COL5A2: variants seen among roughly 807,000 people sequenced by gnomAD.
COL5A2 encodes the protein collagen alpha-2(V) chain.
COL5A2 carries 23 observed loss-of-function variants against 208.2 expected under a neutral mutation model. The ratio of observed to expected loss-of-function variants is 0.11; its 90% CI spans 0.08 to 0.16. The LOEUF is 0.16. Among genes scored for constraint, COL5A2 ranks in the 10% least tolerant of loss-of-function variants. The probability of loss-of-function intolerance (pLI) is 1.00; values close to 1 mark genes in which losing one functional copy is unlikely to be tolerated. For missense variants in COL5A2, 1,590 were observed against 1,956.4 expected, an observed-to-expected ratio of 0.81 and a Z score of 3.53; for synonymous variants, 625 against 628.5, an observed-to-expected ratio of 0.99 and a Z score of 0.08.
chr2:189,068,696 T>A, intron 19 of COL5A2, 90 bp downstream of exon 19: 1 of 880,142 alleles, frequency 1.1e-6, no homozygotes, highest in South Asian at 1.4e-5. Flanking sequence ...AAATATTATG[T>A]ATCAATTAAA....
chr2:189,422,364 G>A, the COL5A2 span, among the ~76,000 whole-genome samples: 2 of 151,860 alleles, frequency 1.3e-5, no homozygotes, highest in Non-Finnish European at 2.9e-5. Flanking sequence ...CAGAAATTTT[G>A]GAACTAAAAA....
chr2:189,227,171 A>G (rs1289332415), upstream of COL5A2, among the ~76,000 whole-genome samples: 2 of 152,250 alleles, frequency 1.3e-5, no homozygotes, highest in East Asian at 3.9e-4. Flanking sequence ...TGTATTTTCA[A>G]ATATCCAGAC....
chr2:189,309,280 C>G, the COL5A2 span, among the ~76,000 whole-genome samples: 13 of 152,152 alleles, frequency 8.5e-5, no homozygotes, highest in Non-Finnish European at 1.9e-4. Flanking sequence ...CAGTAGCATC[C>G]CGATAAGATC....
Position 189,094,803 on chromosome 2 carries a change from A to T in COL5A2, c.457-2383T>A, listed in dbSNP as rs530291444. Among the ~76,000 whole-genome samples the T allele has an allele frequency of 2.7e-4, 40 of 150,778 alleles. 1 individual carries two copies. The highest frequency in any genetic ancestry group is 9.2e-4 in the African/African-American group (38 of 41,136). ...TAGCTTGTCACTATGAAGTTATCTG[A>T]ACAATACACTTAAAACTGAGGACGT... On this transcript the variant is annotated intron_variant, in intron 6 of 53. Coordinates refer to ENST00000374866, the MANE Select transcript of COL5A2 (RefSeq NM_000393.5).
At chr2:189,037,791 A>G (rs114713168) in intron 51 of COL5A2, among the ~76,000 whole-genome samples, 64 of 152,330 alleles carry the variant, frequency 4.2e-4, no homozygotes, top group Non-Finnish European at 8.4e-4. Flanking sequence ...AAGGAATTAC[A>G]TATTTAAATG....
At chr2:189,400,998 A>G in the COL5A2 span, among the ~76,000 whole-genome samples, 1 of 152,108 alleles carries the variant, frequency 6.6e-6, no homozygotes, top group African/African-American at 2.4e-5. Flanking sequence ...AGTAACTTGT[A>G]AATTCTGGTC....
Position 189,078,613 on chromosome 2 carries a change from G to T in COL5A2, c.1006-44C>A, listed in dbSNP as rs560438156. ...AAATGTCTCTTGAAGCACCTAATTT[G>T]AAATGTAGAGTAGTCTGACTACCCC... is the stretch of plus-strand genomic sequence containing the variant. On this transcript the variant is annotated intron_variant, in intron 15 of 53. Coordinates refer to ENST00000374866, the MANE Select transcript of COL5A2 (RefSeq NM_000393.5). 110 of 1,475,774 alleles carry T rather than the reference G, an allele frequency of 7.5e-5. No homozygotes were observed. In the South Asian group the frequency reaches 1.2e-3, roughly 16 times the overall value. 91.4% of individuals were successfully genotyped at this position (1,475,774 alleles called of 1,614,324 possible). A position where few individuals can be genotyped will look rare whatever the true frequency, so the allele number is the denominator to read the frequency against.
chr2:189,402,722 C>T, the COL5A2 span, among the ~76,000 whole-genome samples: 1 of 152,068 alleles, frequency 6.6e-6, no homozygotes. Flanking sequence ...GTCTTATTTA[C>T]GGATTCTGTA....
chr2:189,111,903 T>C (rs2105715917), intron 1 of COL5A2, among the ~76,000 whole-genome samples: 1 of 152,122 alleles, frequency 6.6e-6, no homozygotes, highest in South Asian at 2.1e-4. Flanking sequence ...TTTGTTCTTG[T>C]CGCCCAGGCA....
the COL5A2 span, among the ~76,000 whole-genome samples, chr2:189,243,027 T>TA: frequency 1.3e-5 from 2 of 151,756 alleles, no homozygotes; most frequent in Admixed American, 6.6e-5. Flanking sequence ...GAGTAGATAA[T>TA]AAAAAAACAG....
At chr2:189,043,088 C>G in intron 48 of COL5A2, 63 bp downstream of exon 48, 3 of 1,153,860 alleles carry the variant, frequency 2.6e-6, no homozygotes, top group African/African-American at 1.5e-5. Flanking sequence ...GATAAATGTT[C>G]GTGTCAAGAT....
At chr2:189,296,486 T>C in the COL5A2 span, among the ~76,000 whole-genome samples, 1 of 152,224 alleles carries the variant, frequency 6.6e-6, no homozygotes, top group South Asian at 2.1e-4. Context: ...TGCTGTTTCT[T>C]CATTTGTCCA....
the COL5A2 span, among the ~76,000 whole-genome samples, chr2:189,319,471 A>G: frequency 6.6e-6 from 1 of 152,222 alleles, no homozygotes; most frequent in African/African-American, 2.4e-5. Flanking sequence ...CCACACTAAT[A>G]CTGCGCTTTT....
At chr2:189,363,264 G>A in the COL5A2 span, among the ~76,000 whole-genome samples, 1 of 151,962 alleles carries the variant, frequency 6.6e-6, no homozygotes, top group African/African-American at 2.4e-5. Flanking sequence ...TGCATCTAAA[G>A]TTTCTCCATT....
intron 3 of COL5A2, among the ~76,000 whole-genome samples, chr2:189,103,386 G>A (rs960652871): frequency 6.6e-6 from 1 of 151,980 alleles, no homozygotes; most frequent in African/African-American, 2.4e-5. Context: ...TATCATGAAT[G>A]TGTAGCATTG....
At chr2:189,198,453 A>C (rs1689033462) in intron 1 of COL5A2, among the ~76,000 whole-genome samples, 1 of 152,178 alleles carries the variant, frequency 6.6e-6, no homozygotes. Context: ...TATGAATAGC[A>C]AAAGAGGAGA....
chr2:189,338,375 C>T, the COL5A2 span, among the ~76,000 whole-genome samples: 3 of 152,110 alleles, frequency 2.0e-5, no homozygotes, highest in Non-Finnish European at 2.9e-5. Flanking sequence ...TTGTCTAACC[C>T]CAGCTCTCTT....
At chr2:189,041,793 T>G in intron 49 of COL5A2, 100 bp from the exon 50 acceptor site, 1 of 734,294 alleles carries the variant, frequency 1.4e-6, no homozygotes, top group Non-Finnish European at 2.4e-6. Flanking sequence ...GCTGTAACAG[T>G]GATTTCTAAG....
chr2:189,088,544 GTAAA>G (rs1259299851), intron 8 of COL5A2, 147 bp downstream of exon 8: 6 of 664,972 alleles, frequency 9.0e-6, no homozygotes, highest in African/African-American at 2.1e-5. Context: ...ATACAGTAGA[GTAAA>G]TAAGTTAATT....
Sources: gnomAD v4.1 joint callset for allele counts (sites outside exome capture counted in the v4.1 genomes callset) on GRCh38, gnomAD v4.1.1 for gene constraint, MANE v1.5 for transcripts, NCBI Gene and HGNC (gene_info 2026-07-23, HGNC 2026-07-21) for gene names.